PLCH1: variants seen among roughly 807,000 people sequenced by gnomAD.
The protein encoded by PLCH1 is phospholipase C eta 1.
Under a neutral mutation model 126.7 loss-of-function variants are expected in PLCH1, and 60 were observed. The observed-to-expected ratio is 0.47, with a 90% CI of 0.38 to 0.59. PLCH1 has a LOEUF of 0.59. PLCH1 is among the 20% of genes least tolerant of loss of function. PLCH1 has a pLI of 0.00. For synonymous variants in PLCH1, 719 were observed against 734.9 expected, an observed-to-expected ratio of 0.98 and a Z score of 0.35; for missense variants, 1,723 against 2,040.0, an observed-to-expected ratio of 0.84 and a Z score of 2.99.
chr3:155,460,583 C>A lies in PLCH1; in HGVS notation c.2938+24773G>T, dbSNP rs762576901. Among the ~76,000 whole-genome samples the A allele has an allele frequency of 3.3e-5, 5 of 152,092 alleles. 1 individual carries two copies. The highest frequency in any genetic ancestry group is 4.8e-5 in the African/African-American group (2 of 41,470). On this transcript the variant is annotated intron_variant, in intron 21 of 21. Transcript: ENST00000494598. The stretch of plus-strand genomic sequence containing the variant: ...TATGATAGAAAGGAGCAGTGTTAGC[C>A]CCCCCTCCAGGCCAAGATAGTTAAT...
chr3:155,521,186 C>G (rs961006275), intron 11 of PLCH1, among the ~76,000 whole-genome samples: 2 of 152,230 alleles, frequency 1.3e-5, no homozygotes, highest in African/African-American at 4.8e-5. Flanking sequence ...CACACATGCA[C>G]ACAGACACAC....
intron 21 of PLCH1, among the ~76,000 whole-genome samples, chr3:155,463,259 C>T (rs995438684): frequency 9.2e-5 from 14 of 152,250 alleles, no homozygotes; most frequent in African/African-American, 3.4e-4. Flanking sequence ...AGCAACAAAA[C>T]TTTCTCTCTT....
At chr3:155,456,768 C>T (rs190188509) in intron 21 of PLCH1, 2 of 152,596 alleles carry the variant, frequency 1.3e-5, no homozygotes, top group African/African-American at 4.8e-5. Flanking sequence ...CTTTTGTTTC[C>T]TTCCCACTCC....
At chr3:155,608,496 T>A (rs958331936) in intron 2 of PLCH1, among the ~76,000 whole-genome samples, 4 of 152,090 alleles carry the variant, frequency 2.6e-5, no homozygotes, top group Non-Finnish European at 4.4e-5. Flanking sequence ...CGAAGCTGCA[T>A]GGGAGCTGAG....
intron 11 of PLCH1, among the ~76,000 whole-genome samples, chr3:155,523,443 A>T (rs1721467955): frequency 6.6e-6 from 1 of 152,348 alleles, no homozygotes; most frequent in Non-Finnish European, 1.5e-5. Context: ...GGTCCAAGGT[A>T]CATTTTCTTA....
intron 2 of PLCH1, among the ~76,000 whole-genome samples, chr3:155,597,624 T>C (rs1733146449): frequency 1.3e-5 from 2 of 152,154 alleles, no homozygotes; most frequent in African/African-American, 4.8e-5. Context: ...AGACTTCTGC[T>C]TTTTTGGCTA....
chr3:155,692,328 A>G (rs426069), intron 2 of PLCH1, among the ~76,000 whole-genome samples: 36,185 of 152,118 alleles, frequency 0.24, 4,687 homozygotes, highest in East Asian at 0.46. Context: ...GTAAACTCAT[A>G]CCTGATTTTG....
intron 8 of PLCH1, among the ~76,000 whole-genome samples, chr3:155,561,061 T>G (rs1727518285): frequency 6.6e-6 from 1 of 152,198 alleles, no homozygotes; most frequent in Non-Finnish European, 1.5e-5. Flanking sequence ...CTCTCCTCTT[T>G]TGAAGCTTAT....
intron 1 of PLCH1, chr3:155,742,053 A>G (rs1471208210): frequency 2.0e-5 from 3 of 152,208 alleles, no homozygotes; most frequent in South Asian, 2.1e-4. Context: ...CACCAAATCA[A>G]TCGTTCTCCT....
Position 155,643,163 on chromosome 3 carries a change from G to A in PLCH1, c.80-46785C>T, listed in dbSNP as rs139418368. 3.9e-3 allele frequency among the ~76,000 whole-genome samples: 596 copies of A among 152,188 alleles called. 4 individuals are homozygous for A. The highest frequency in any genetic ancestry group is 0.014 in the African/African-American group (576 of 41,508). On this transcript the variant is annotated intron_variant, in intron 2 of 22. Coordinates refer to ENST00000460012, the MANE Select transcript of PLCH1 (RefSeq NM_014996.4). ...GGGGTTTCACCATGTTGGCCAGGCT[G>A]GTCTCGAACTCCTGACCTCCAGTGG... is the stretch of plus-strand genomic sequence containing the variant.
At chr3:155,504,276 T>C (rs893064437) in intron 13 of PLCH1, among the ~76,000 whole-genome samples, 1 of 152,224 alleles carries the variant, frequency 6.6e-6, no homozygotes, top group African/African-American at 2.4e-5. Context: ...CCATTATGTA[T>C]TGGATATGTA....
rs1021786856 is a variant in PLCH1, at chr3:155,482,545, T to C, written c.3481A>G (p.Thr1161Ala). 1.2e-6 allele frequency: 2 copies of C among 1,614,156 alleles called. No homozygotes were observed. Among genetic ancestry groups the C allele is most frequent in the East Asian group, 2.2e-5 (1 of 44,870 alleles). Residue 1161 changes from threonine (T) to alanine (A), a missense_variant, in exon 23 of 23, where the codon ACT becomes GCT. Thr to Ala is a moderately conservative substitution (Grantham distance 58). Around this residue, in one of 2 missense-constraint regions of PLCH1, gnomAD observed 947 missense variants for 977.1 expected, o/e 0.97. Coordinates refer to ENST00000460012, the MANE Select transcript of PLCH1 (RefSeq NM_014996.4). ...ATTACACTCTCCTGCAGAATTGCAGTTGAATGTAGGTCAGGTATGTCAGAA... is the reference window on the plus strand; with the variant it reads ...ATTACACTCTCCTGCAGAATTGCAGCTGAATGTAGGTCAGGTATGTCAGAA... The part of the protein sequence containing the change: ...LCSDIPDLHS[T>A]AILQESVISH...
intron 4 of PLCH1, among the ~76,000 whole-genome samples, chr3:155,588,897 G>A (rs1457927585): frequency 6.6e-6 from 1 of 152,082 alleles, no homozygotes; most frequent in Non-Finnish European, 1.5e-5. Context: ...CCAACTCTAA[G>A]ATTCCATAAA....
intron 6 of PLCH1, among the ~76,000 whole-genome samples, chr3:155,582,847 A>G (rs554934110): frequency 1.3e-5 from 2 of 152,258 alleles, no homozygotes; most frequent in African/African-American, 4.8e-5. Flanking sequence ...CTGAGAAGTT[A>G]GCTTTGCTGA....
chr3:155,463,838 G>C (rs1478385872), intron 21 of PLCH1, among the ~76,000 whole-genome samples: 1 of 152,092 alleles, frequency 6.6e-6, no homozygotes, highest in African/African-American at 2.4e-5. Flanking sequence ...ACAAAAAATG[G>C]AACAAGATCC....
intron 2 of PLCH1, among the ~76,000 whole-genome samples, chr3:155,640,785 C>T (rs1424079798): frequency 6.6e-6 from 1 of 152,072 alleles, no homozygotes; most frequent in Non-Finnish European, 1.5e-5. Context: ...GTTAAGTCAC[C>T]AGAGAGTTTC....
chr3:155,483,421 TAAAC>T (rs1714504295), intron 22 of PLCH1: 1 of 1,429,532 alleles, frequency 7.0e-7, no homozygotes, highest in Non-Finnish European at 9.5e-7. Context: ...ACAGCTCTGT[TAAAC>T]AAAGCATTGT....
At chr3:155,458,563 AAAGAAAGAAAGAAAGAAAGG>A (rs1712586191) in intron 21 of PLCH1, among the ~76,000 whole-genome samples, 2 of 74,912 alleles carry the variant, frequency 2.7e-5, no homozygotes, top group South Asian at 7.4e-4. Context: ...AGAGAAAAAG[AAAGAAAGAAAGAAAGAAAGG>A]AAGAAAGAAA....
At chr3:155,610,384 AAAAAAC>A (rs1368004255) in intron 2 of PLCH1, among the ~76,000 whole-genome samples, 3 of 150,184 alleles carry the variant, frequency 2.0e-5, no homozygotes, top group African/African-American at 7.3e-5. Context: ...AAAAAAAAAA[AAAAAAC>A]CATCACCTAG....
Sources: gnomAD v4.1 joint callset for allele counts (sites outside exome capture counted in the v4.1 genomes callset) on GRCh38, gnomAD v4.1.1 for gene constraint, gnomAD v4.1.1 regional missense constraint, MANE v1.5 for transcripts, NCBI Gene and HGNC (gene_info 2026-07-23, HGNC 2026-07-21) for gene names.